CPNE5: variants seen among roughly 807,000 people sequenced by gnomAD.
CPNE5 encodes copine-5.
A neutral mutation model predicts 81.1 loss-of-function variants in CPNE5; 42 were observed. The ratio of observed to expected loss-of-function variants is 0.52; its 90% CI spans 0.40 to 0.67. CPNE5 has a LOEUF of 0.67. CPNE5 is among the 30% of genes least tolerant of loss of function. CPNE5 has a pLI of 0.00. For missense variants in CPNE5, 612 were observed against 815.5 expected, an observed-to-expected ratio of 0.75 and a Z score of 3.04; for synonymous variants, 313 against 321.5, an observed-to-expected ratio of 0.97 and a Z score of 0.28.
chr6:36,809,839 C>T (rs1422408377), intron 3 of CPNE5, among the ~76,000 whole-genome samples: 1 of 151,842 alleles, frequency 6.6e-6, no homozygotes, highest in Non-Finnish European at 1.5e-5. Context: ...AGCCTGTGGA[C>T]ATCCCTGCTC....
At chr6:36,788,567 T>C (rs1768806376) in intron 8 of CPNE5, among the ~76,000 whole-genome samples, 1 of 142,776 alleles carries the variant, frequency 7.0e-6, no homozygotes, top group South Asian at 2.5e-4. Context: ...CCCCCAGCCT[T>C]GCAGTCAGAA....
chr6:36,771,710 T>C (rs1398783972), intron 10 of CPNE5, among the ~76,000 whole-genome samples: 3 of 151,434 alleles, frequency 2.0e-5, no homozygotes, highest in Admixed American at 1.3e-4. Flanking sequence ...AGAGGTGTCT[T>C]GGAAGGAGGG....
At chr6:36,744,852 AC>A (rs1763955956) in intron 18 of CPNE5, among the ~76,000 whole-genome samples, 195 bp downstream of exon 18, 1 of 152,174 alleles carries the variant, frequency 6.6e-6, no homozygotes, top group Non-Finnish European at 1.5e-5. Flanking sequence ...ACTATCCAGC[AC>A]CGGACTCTGC....
rs1764148380 is a variant in CPNE5 at position 36,746,275 on chromosome 6, C to T, written c.1200+121G>A. 2 of 1,452,726 alleles carry T rather than the reference C, an allele frequency of 1.4e-6. No individual in the cohort carries two copies. Among genetic ancestry groups the T allele is most frequent in the South Asian group, 2.9e-5 (2 of 69,882 alleles). The allele number at this position is 1,452,726 out of a possible 1,614,324, so 90.0% of individuals were successfully genotyped here. A position where few individuals can be genotyped will look rare whatever the true frequency, so the allele number is the denominator to read the frequency against. On this transcript the variant is annotated intron_variant, in intron 16 of 20. Coordinates refer to ENST00000244751, the MANE Select transcript of CPNE5 (RefSeq NM_020939.2). The surrounding 1 kb of genome is among the most constrained non-coding windows in gnomAD (Gnocchi z 4.5). ...CCCCTACACACAGCAGGCAGTCTAC[C>T]TCCACTGAGGCTGAGCCTTAAGTCC...
rs770966632 is a variant in CPNE5 at position 36,746,543 on chromosome 6, C to T, written c.1053G>A (p.Met351Ile). 5.1e-5 allele frequency: 82 copies of T among 1,613,536 alleles called. No homozygotes were observed. In the East Asian group the frequency reaches 1.8e-3, roughly 35 times the overall value. Residue 351 changes from methionine (M) to isoleucine (I), a missense_variant, in exon 16 of 21, where the codon ATG becomes ATA. Transcript: ENST00000244751. This position sits in a 1 kb window ranked among gnomAD's most constrained non-coding sequence, Gnocchi z 4.5. The stretch of plus-strand genomic sequence containing the variant: ...CGTAGGCGTTCAGCTGGTAGGGGCT[C>T]ATGTAGTGCAGGGATGTGGACTGTG... ...NPSQSTSLHY[M>I]SPYQLNAYAL... is the part of the protein sequence containing the mutation.
intron 3 of CPNE5, among the ~76,000 whole-genome samples, chr6:36,820,247 G>T (rs1771917990): frequency 6.6e-6 from 1 of 152,096 alleles, no homozygotes; most frequent in South Asian, 2.1e-4. Context: ...GGCTCAGTGA[G>T]GGAGCGAGGA....
chr6:36,827,125 C>T (rs1217264330), intron 1 of CPNE5, among the ~76,000 whole-genome samples: 1 of 152,128 alleles, frequency 6.6e-6, no homozygotes, highest in Non-Finnish European at 1.5e-5. Flanking sequence ...CCCAGGGCTC[C>T]CTGCTGAGTC....
At chr6:36,795,600 G>A (rs755279378) in intron 6 of CPNE5, among the ~76,000 whole-genome samples, 1 of 152,200 alleles carries the variant, frequency 6.6e-6, no homozygotes, top group Admixed American at 6.5e-5. Context: ...ACAGAGAGAT[G>A]ACAATCTGAA....
intron 8 of CPNE5, among the ~76,000 whole-genome samples, chr6:36,783,382 A>G (rs1768226367): frequency 7.9e-6 from 1 of 125,990 alleles, no homozygotes; most frequent in Non-Finnish European, 1.6e-5. Context: ...TAAAAGTAAA[A>G]AAAAAAAAAA....
Position 36,771,458 on chromosome 6 carries a change from G to A in CPNE5, c.737+3503C>T, listed in dbSNP as rs566114734. 1.0e-3 allele frequency among the ~76,000 whole-genome samples: 156 copies of A among 152,320 alleles called. 3 individuals are homozygous for A. The South Asian group carries it at 0.023, about 23-fold the overall frequency. On this transcript the variant is annotated intron_variant, in intron 10 of 20. Transcript: ENST00000244751. ...AGCACCTCTTTGCAATGAGCTAATT[G>A]TTGGGGGGATTAAATTAGTTCCTAT... is the stretch of plus-strand genomic sequence containing the variant.
chr6:36,756,124 A>C, intron 13 of CPNE5, 121 bp downstream of exon 13: 3 of 408,170 alleles, frequency 7.3e-6, no homozygotes, highest in Non-Finnish European at 1.4e-5. Flanking sequence ...TCTCTCTTGG[A>C]TGTCTGATTC....
At position 36,802,016 on chromosome 6, in the gene CPNE5, C is replaced by T. The variant is rs551359734; in HGVS notation, c.184-1946G>A. ...TGGGCGGATCACGAGGTCAAGAGATCGAGACCATCCTGGCCAACATGGTGA... is the reference window on the plus strand; with the variant it reads ...TGGGCGGATCACGAGGTCAAGAGATTGAGACCATCCTGGCCAACATGGTGA... On this transcript the variant is annotated intron_variant, in intron 3 of 20. Coordinates refer to ENST00000244751, the MANE Select transcript of CPNE5 (RefSeq NM_020939.2). Among the ~76,000 whole-genome samples, 28 of 151,980 alleles carry T rather than the reference C, an allele frequency of 1.8e-4. No individual in the cohort carries two copies. The East Asian group carries it at 2.1e-3, about 12-fold the overall frequency.
chr6:36,746,020 A>G lies in CPNE5; in HGVS notation c.1200+376T>C, dbSNP rs1418473269. The G allele has an allele frequency of 3.7e-6, 1 of 268,620 alleles. No individual in the cohort carries two copies. Among genetic ancestry groups the G allele is most frequent in the Non-Finnish European group, 5.7e-6 (1 of 174,668 alleles). 16.6% of individuals were successfully genotyped at this position (268,620 alleles called of 1,614,324 possible). ...ATGCCCAGATGACGCCATGCTCCAC[A>G]TCACCCTGGAGATCCACGTCATCCC... On this transcript the variant is annotated intron_variant, in intron 16 of 20. Transcript: ENST00000244751. The surrounding 1 kb of genome is among the most constrained non-coding windows in gnomAD (Gnocchi z 4.5).
At chr6:36,798,579 C>T (rs1769806458) in intron 4 of CPNE5, 85 bp from the exon 5 acceptor site, 1 of 1,245,620 alleles carries the variant, frequency 8.0e-7, no homozygotes, top group Admixed American at 1.8e-5. Context: ...GTCAGGGCCC[C>T]TGTCCCCCAA....
intron 10 of CPNE5, among the ~76,000 whole-genome samples, chr6:36,770,373 T>C (rs1364047550): frequency 6.6e-6 from 1 of 152,186 alleles, no homozygotes; most frequent in Non-Finnish European, 1.5e-5. Flanking sequence ...AGGGTTATTG[T>C]AAAATTTAAA....
At chr6:36,752,331 G>C (rs1022414371) in intron 14 of CPNE5, among the ~76,000 whole-genome samples, 1 of 152,174 alleles carries the variant, frequency 6.6e-6, no homozygotes. Context: ...CTTTCCGTGA[G>C]CTGCTGGCTG....
chr6:36,829,753 C>T (rs900448536), intron 1 of CPNE5, among the ~76,000 whole-genome samples: 24 of 136,656 alleles, frequency 1.8e-4, no homozygotes, highest in African/African-American at 5.0e-4. Context: ...GCAGAGGTTG[C>T]AGTGAGCCGA....
chr6:36,802,824 C>T (rs955076574), intron 3 of CPNE5, among the ~76,000 whole-genome samples: 2 of 151,814 alleles, frequency 1.3e-5, no homozygotes, highest in East Asian at 1.9e-4. Flanking sequence ...CTGAGGCGGG[C>T]GGATCACTTG....
rs1172187234 is a variant in CPNE5, at chr6:36,741,973, A to G, written c.*295T>C. 2.7e-6 allele frequency: 1 copy of G among 371,406 alleles called. No individual in the cohort carries two copies. Among genetic ancestry groups the G allele is most frequent in the Non-Finnish European group, 4.8e-6 (1 of 207,574 alleles). 23.0% of individuals were successfully genotyped at this position (371,406 alleles called of 1,614,324 possible). A position where few individuals can be genotyped will look rare whatever the true frequency, so the allele number is the denominator to read the frequency against. ...GGGGTGGGCGACAGGGACCCCAATC[A>G]CCCTTATTGTTTACACCTTCCTGGC... is the stretch of plus-strand genomic sequence containing the variant. On this transcript the variant is annotated 3_prime_UTR_variant, in exon 21 of 21. Coordinates refer to ENST00000244751, the MANE Select transcript of CPNE5 (RefSeq NM_020939.2).
Sources: allele counts gnomAD v4.1 joint callset (sites outside exome capture counted in the v4.1 genomes callset), GRCh38; gene constraint gnomAD v4.1.1; non-coding constraint Gnocchi (gnomAD v3.1); transcripts MANE v1.5; gene names NCBI Gene and HGNC (gene_info 2026-07-23, HGNC 2026-07-21).